BDKRB1: variants seen among roughly 807,000 people sequenced by gnomAD.
BDKRB1 encodes the protein bradykinin receptor B1.
For synonymous variants in BDKRB1, 192 were observed against 189.1 expected (o/e 1.02, Z -0.13); for missense variants, 414 against 441.4 (o/e 0.94, Z 0.56).
intron 1 of BDKRB1, chr14:96,259,828 GTTC>G (rs1379975291): frequency 6.6e-6 from 1 of 152,138 alleles, no homozygotes; most frequent in East Asian, 1.9e-4. Context: ...TTTCTGTGAT[GTTC>G]TTCTTATGGA....
intron 1 of BDKRB1, among the ~76,000 whole-genome samples, chr14:96,257,091 T>C (rs1885633212): frequency 6.6e-6 from 1 of 152,234 alleles, no homozygotes; most frequent in Non-Finnish European, 1.5e-5. Context: ...ATTTCTCCTC[T>C]CTAGCCAACT....
chr14:96,263,431 A>G (rs1009015411), intron 2 of BDKRB1, among the ~76,000 whole-genome samples: 1 of 152,226 alleles, frequency 6.6e-6, no homozygotes, highest in Non-Finnish European at 1.5e-5. Context: ...ACCAGAGGTC[A>G]GCAAACTTTT....
At position 96,263,720 on chromosome 14, in the gene BDKRB1, C is replaced by T. The variant is rs1298102341; in HGVS notation, c.38C>T (p.Ser13Phe). The change falls in exon 3 of 3, where the codon TCC becomes TTC. Residue 13 changes from serine to phenylalanine, a missense_variant. Coordinates refer to ENST00000216629, the MANE Select transcript of BDKRB1 (RefSeq NM_000710.4). ...SSWPPLELQS[S>F]NQSQLFPQNA... ...TGGCCCCCTCTAGAGCTCCAATCCT[C>T]CAACCAGAGCCAGCTCTTCCCTCAA... The T allele has an allele frequency of 6.2e-7, 1 of 1,614,014 alleles. No individual in the cohort carries two copies. Among genetic ancestry groups the T allele is most frequent in the Non-Finnish European group, 8.5e-7 (1 of 1,179,986 alleles).
chr14:96,259,846 A>G (rs1238377740), intron 1 of BDKRB1: 1 of 152,172 alleles, frequency 6.6e-6, no homozygotes, highest in Non-Finnish European at 1.5e-5. Flanking sequence ...TATGGAGCCA[A>G]CACACAGTCA....
rs1293064045 is a variant in BDKRB1 at position 96,256,292 on chromosome 14, T to G, written c.-138T>G. 1 of 152,176 alleles carries G rather than the reference T, an allele frequency of 6.6e-6. No homozygotes were observed. 9.4% of individuals were successfully genotyped at this position (152,176 alleles called of 1,614,324 possible). ...ACTACAGTTGTGAACGCCTTCATTTTCTGCCTGAGTAAGTAAATGACCACC... is the reference window on the plus strand; with the variant it reads ...ACTACAGTTGTGAACGCCTTCATTTGCTGCCTGAGTAAGTAAATGACCACC... On this transcript the variant is annotated 5_prime_UTR_variant, in exon 1 of 3. Transcript: ENST00000216629.
At chr14:96,262,923 C>G (rs963484059) in intron 2 of BDKRB1, among the ~76,000 whole-genome samples, 153 bp downstream of exon 2, 2 of 152,020 alleles carry the variant, frequency 1.3e-5, no homozygotes, top group African/African-American at 4.8e-5. Context: ...CCACCACACC[C>G]GGCCAATACT....
chr14:96,261,497 G>A (rs911466535), intron 1 of BDKRB1, among the ~76,000 whole-genome samples: 4 of 152,240 alleles, frequency 2.6e-5, no homozygotes, highest in Admixed American at 2.6e-4. Context: ...GTCTTCCTTA[G>A]ATGAGGAAAG....
intron 1 of BDKRB1, among the ~76,000 whole-genome samples, chr14:96,260,662 G>C (rs1243981670): frequency 6.6e-6 from 1 of 152,114 alleles, no homozygotes; most frequent in African/African-American, 2.4e-5. Flanking sequence ...ATTATGCTCT[G>C]GGTGGGGACT....
intron 1 of BDKRB1, among the ~76,000 whole-genome samples, chr14:96,261,474 T>C (rs1054027241): frequency 6.6e-6 from 1 of 152,384 alleles, no homozygotes; most frequent in South Asian, 2.1e-4. Flanking sequence ...GAAGGGCCTC[T>C]TGAGGACATC....
At chr14:96,263,539 A>T (rs1007982826) in intron 2 of BDKRB1, 134 bp from the exon 3 acceptor site, 7 of 962,796 alleles carry the variant, frequency 7.3e-6, no homozygotes, top group Non-Finnish European at 1.1e-5. Flanking sequence ...ACACAGCTGT[A>T]GATAATACGT....
intron 1 of BDKRB1, among the ~76,000 whole-genome samples, chr14:96,257,519 A>G (rs1937807801): frequency 6.6e-6 from 1 of 152,212 alleles, no homozygotes; most frequent in Non-Finnish European, 1.5e-5. Context: ...TATGGGAGCT[A>G]CAACTCAAGA....
chr14:96,257,415 C>T (rs761085288), intron 1 of BDKRB1, among the ~76,000 whole-genome samples: 13 of 152,190 alleles, frequency 8.5e-5, no homozygotes, highest in African/African-American at 2.9e-4. Context: ...AACTCAGTCT[C>T]GCTGAGCTAA....
At chr14:96,258,788 T>A (rs2210652) in intron 1 of BDKRB1, among the ~76,000 whole-genome samples, 36,034 of 152,076 alleles carry the variant, frequency 0.24, 4,485 homozygotes, top group East Asian at 0.41. Flanking sequence ...CCCAAAGTGC[T>A]GGGATTACAG....
chr14:96,264,503 T>C lies in BDKRB1; in HGVS notation c.821T>C (p.Phe274Ser), dbSNP rs1427371456. The C allele has an allele frequency of 6.2e-7, 1 of 1,614,158 alleles. No individual in the cohort carries two copies. The highest frequency in any genetic ancestry group is 1.7e-5 in the Admixed American group (1 of 60,020). Residue 274 changes from phenylalanine to serine, a missense_variant, in exon 3 of 3, where the codon TTC becomes TCC. Transcript: ENST00000216629. ...TACCACTTCTTTGCCTTCCTGGAAT[T>C]CTTATTCCAGGTGCAAGCAGTCCGA... ...APYHFFAFLE[F>S]LFQVQAVRGC... is the part of the protein sequence containing the mutation.
intron 2 of BDKRB1, among the ~76,000 whole-genome samples, chr14:96,263,289 C>T (rs1885800347): frequency 6.6e-6 from 1 of 152,322 alleles, no homozygotes; most frequent in Middle Eastern, 3.4e-3. Flanking sequence ...ATCCTGACAA[C>T]AGCCCTCCCG....
At chr14:96,256,774 C>A in intron 1 of BDKRB1, among the ~76,000 whole-genome samples, 1 of 152,240 alleles carries the variant, frequency 6.6e-6, no homozygotes, top group Non-Finnish European at 1.5e-5. Flanking sequence ...TGGTCTTTAA[C>A]ATCTGTGGCT....
chr14:96,259,779 G>A (rs76961280), intron 1 of BDKRB1: 13,152 of 152,288 alleles, frequency 0.086, 765 homozygotes, highest in Non-Finnish European at 0.13. Context: ...TCTGTCTGAA[G>A]AGTCCGAGGA....
At chr14:96,263,259 C>T (rs552070628) in intron 2 of BDKRB1, among the ~76,000 whole-genome samples, 13 of 152,286 alleles carry the variant, frequency 8.5e-5, no homozygotes, top group South Asian at 2.1e-4. Context: ...ATGCAAGGCA[C>T]GGAGCTAAGC....
In BDKRB1 at chr14:96,263,660, C is replaced by A; in HGVS notation, c.-10-13C>A. ...GCCACTTCCTGTTTTATTCTACCTT[C>A]TGTTCATTTCAGGTCACTGTGCATG... On this transcript the variant is annotated splice_polypyrimidine_tract_variant and intron_variant, in intron 2 of 2. Transcript: ENST00000216629. 1 of 1,592,552 alleles carries A rather than the reference C, an allele frequency of 6.3e-7. No individual in the cohort carries two copies. The highest frequency in any genetic ancestry group is 1.1e-5 in the South Asian group (1 of 87,060).
Sources: allele counts gnomAD v4.1 joint callset (sites outside exome capture counted in the v4.1 genomes callset), GRCh38; gene constraint gnomAD v4.1.1; transcripts MANE v1.5; gene names NCBI Gene and HGNC (gene_info 2026-07-23, HGNC 2026-07-21).